Variants in ARHGAP10 observed in about 807,000 individuals in gnomAD.
ARHGAP10 encodes Rho GTPase activating protein 10, also known as rho GTPase-activating protein 10.
A neutral mutation model predicts 108.6 loss-of-function variants in ARHGAP10; 87 were observed. The ratio of observed to expected loss-of-function variants is 0.80; its 90% confidence interval spans 0.67 to 0.96. ARHGAP10 has a LOEUF of 0.96. Among genes scored for constraint, ARHGAP10 ranks in the 40% least tolerant of loss-of-function variants. ARHGAP10 has a pLI of 0.00. For synonymous variants in ARHGAP10, 347 were observed against 341.1 expected (o/e 1.02, Z -0.19); for missense variants, 939 against 954.5 (o/e 0.98, Z 0.21).
At chr4:147,925,306 G>A (rs954617932) in intron 13 of ARHGAP10, among the ~76,000 whole-genome samples, 1 of 152,200 alleles carries the variant, frequency 6.6e-6, no homozygotes, top group Non-Finnish European at 1.5e-5. Context: ...AGGTGGAGAG[G>A]CAGAGGGCAG....
At chr4:147,911,839 T>G (rs887959625) in intron 12 of ARHGAP10, among the ~76,000 whole-genome samples, 1 of 152,052 alleles carries the variant, frequency 6.6e-6, no homozygotes. Flanking sequence ...AAAATATTAT[T>G]TTAAAAGCTT....
At chr4:147,921,841 A>G (rs1481557929) in intron 13 of ARHGAP10, among the ~76,000 whole-genome samples, 2 of 152,040 alleles carry the variant, frequency 1.3e-5, no homozygotes, top group Non-Finnish European at 2.9e-5. Flanking sequence ...GTGGGAAAAC[A>G]TTCCCCTTAT....
intron 1 of ARHGAP10, among the ~76,000 whole-genome samples, chr4:147,734,100 C>G (rs1211501185): frequency 4.6e-5 from 7 of 152,198 alleles, no homozygotes; most frequent in Admixed American, 1.3e-4. Flanking sequence ...ACTGAGGACT[C>G]TTTCTGTAAC....
At chr4:147,951,898 A>G (rs900664615) in intron 15 of ARHGAP10, among the ~76,000 whole-genome samples, 2 of 152,188 alleles carry the variant, frequency 1.3e-5, no homozygotes, top group South Asian at 2.1e-4. Flanking sequence ...GACCCTGTGC[A>G]TTATTACCCC....
At chr4:147,932,741 A>T (rs900328569) in intron 13 of ARHGAP10, among the ~76,000 whole-genome samples, 4 of 152,134 alleles carry the variant, frequency 2.6e-5, no homozygotes, top group African/African-American at 9.7e-5. Context: ...TGTGCAGCAA[A>T]CCACTATGGC....
chr4:148,062,054 G>A (rs1182782203), intron 20 of ARHGAP10, among the ~76,000 whole-genome samples: 3 of 152,174 alleles, frequency 2.0e-5, no homozygotes, highest in African/African-American at 4.8e-5. Flanking sequence ...AGGTGGGAAC[G>A]CCAGGAAGCA....
intron 18 of ARHGAP10, among the ~76,000 whole-genome samples, chr4:147,988,842 T>C (rs966060596): frequency 2.0e-5 from 3 of 152,206 alleles, no homozygotes; most frequent in Non-Finnish European, 4.4e-5. Context: ...GCTGTGTTCC[T>C]TTCCCCACCT....
intron 1 of ARHGAP10, among the ~76,000 whole-genome samples, chr4:147,770,270 A>G (rs1365988854): frequency 6.6e-6 from 1 of 152,182 alleles, no homozygotes; most frequent in African/African-American, 2.4e-5. Context: ...CCAGTGGTTC[A>G]CGCCTGTCTG....
At chr4:147,911,994 C>CGTGTGTGT (rs36217593) in intron 12 of ARHGAP10, among the ~76,000 whole-genome samples, 115 of 135,444 alleles carry the variant, frequency 8.5e-4, no homozygotes, top group African/African-American at 3.0e-3. Context: ...AGAACATTCA[C>CGTGTGTGT]GTGTGTGTGT....
At chr4:147,959,285 G>A (rs1436250854) in intron 16 of ARHGAP10, among the ~76,000 whole-genome samples, 2 of 151,936 alleles carry the variant, frequency 1.3e-5, no homozygotes, top group Admixed American at 1.3e-4. Context: ...AGAAATGGAT[G>A]TGTGATTTTA....
At chr4:147,955,011 AGAAG>A (rs1738735046) in intron 15 of ARHGAP10, among the ~76,000 whole-genome samples, 1 of 152,074 alleles carries the variant, frequency 6.6e-6, no homozygotes, top group Non-Finnish European at 1.5e-5. Flanking sequence ...ATTAATGTGT[AGAAG>A]GAAGTTTTAT....
At chr4:147,980,857 A>G (rs373967971) in intron 18 of ARHGAP10, among the ~76,000 whole-genome samples, 19 of 151,888 alleles carry the variant, frequency 1.3e-4, no homozygotes, top group Non-Finnish European at 1.9e-4. Flanking sequence ...TAGTCTCTGG[A>G]GATCTTTTCT....
intron 10 of ARHGAP10, among the ~76,000 whole-genome samples, chr4:147,902,625 C>G (rs1736296150): frequency 6.6e-6 from 1 of 152,026 alleles, no homozygotes; most frequent in Non-Finnish European, 1.5e-5. Context: ...ACCTGTAGTC[C>G]CAGTTACCCA....
intron 19 of ARHGAP10, among the ~76,000 whole-genome samples, chr4:148,038,481 CTT>C (rs940858344): frequency 1.3e-5 from 2 of 152,194 alleles, no homozygotes; most frequent in African/African-American, 4.8e-5. Flanking sequence ...GCCACTGTGA[CTT>C]TTACCCAGAG....
At chr4:147,926,966 TATCCCCATTCGCATG>T (rs1217896042) in intron 13 of ARHGAP10, among the ~76,000 whole-genome samples, 6 of 152,166 alleles carry the variant, frequency 3.9e-5, no homozygotes, top group African/African-American at 1.4e-4. Context: ...CAGGTGGTAT[TATCCCCATTCGCATG>T]AGCCCCTGAA....
At chr4:147,749,462 G>A (rs905808405) in intron 1 of ARHGAP10, among the ~76,000 whole-genome samples, 2 of 152,094 alleles carry the variant, frequency 1.3e-5, no homozygotes, top group Admixed American at 6.6e-5. Context: ...ATTTTTGTGG[G>A]TATCATTAAT....
intron 1 of ARHGAP10, among the ~76,000 whole-genome samples, chr4:147,822,091 TAG>T (rs1732521829): frequency 6.6e-6 from 1 of 152,238 alleles, no homozygotes; most frequent in Non-Finnish European, 1.5e-5. Context: ...ATTTTAGAAG[TAG>T]AGTTTTCCAC....
At chr4:147,813,138 G>A (rs1038434472) in intron 1 of ARHGAP10, among the ~76,000 whole-genome samples, 2 of 149,104 alleles carry the variant, frequency 1.3e-5, no homozygotes, top group African/African-American at 4.9e-5. Context: ...GCCTTTAGGA[G>A]CCTTTTTTTT....
At chr4:147,765,336 GT>G (rs376668926) in intron 1 of ARHGAP10, among the ~76,000 whole-genome samples, 13 of 33,842 alleles carry the variant, frequency 3.8e-4, no homozygotes, top group African/African-American at 6.8e-4. Flanking sequence ...GTGTGTGTGT[GT>G]GGGGGGGGGG....
Sources: allele counts gnomAD v4.1 joint callset (sites outside exome capture counted in the v4.1 genomes callset), GRCh38; gene constraint gnomAD v4.1.1; transcripts MANE v1.5; gene names NCBI Gene and HGNC (gene_info 2026-07-23, HGNC 2026-07-21).